OR1J2: variants seen among roughly 807,000 people sequenced by gnomAD.
The protein encoded by OR1J2 is olfactory receptor family 1 subfamily J member 2, also known as olfactory receptor 1J2.
For synonymous variants in OR1J2, 142 were observed against 99.7 expected (o/e 1.42, Z -2.52); for missense variants, 304 against 246.1 (o/e 1.24, Z -1.57).
At chr9:122,534,662 G>C in the OR1J2 span, among the ~76,000 whole-genome samples, 11 of 152,216 alleles carry the variant, frequency 7.2e-5, no homozygotes, top group East Asian at 2.1e-3. Flanking sequence ...TCGGCCTGGC[G>C]AGGAGGGGAG....
the OR1J2 span, chr9:122,475,173 T>C: frequency 6.6e-6 from 1 of 152,382 alleles, no homozygotes; most frequent in African/African-American, 2.4e-5. Context: ...AGGGCCTCGC[T>C]AGGAGATAGG....
At chr9:122,496,607 G>A in the OR1J2 span, among the ~76,000 whole-genome samples, 1 of 152,096 alleles carries the variant, frequency 6.6e-6, no homozygotes, top group Non-Finnish European at 1.5e-5. Context: ...TGCCCAAGGT[G>A]GTCAGAGCAC....
the OR1J2 span, among the ~76,000 whole-genome samples, chr9:122,522,266 G>A: frequency 9.2e-5 from 14 of 152,098 alleles, no homozygotes; most frequent in Non-Finnish European, 7.4e-5. Context: ...AATTATGGAC[G>A]TTTCAAGTGA....
chr9:122,483,016 T>C, the OR1J2 span, among the ~76,000 whole-genome samples: 1 of 152,206 alleles, frequency 6.6e-6, no homozygotes, highest in African/African-American at 2.4e-5. Flanking sequence ...TTTGAATGTT[T>C]TCTTCACTAA....
chr9:122,562,311 A>T, the OR1J2 span, among the ~76,000 whole-genome samples: 1 of 152,246 alleles, frequency 6.6e-6, no homozygotes. Flanking sequence ...GAGCTTAGAC[A>T]GCTTAGGCAG....
chr9:122,573,297 G>A, the OR1J2 span, among the ~76,000 whole-genome samples: 1 of 152,220 alleles, frequency 6.6e-6, no homozygotes, highest in Non-Finnish European at 1.5e-5. Flanking sequence ...TTTAGATGTT[G>A]GGGCTAAACT....
the OR1J2 span, among the ~76,000 whole-genome samples, chr9:122,555,413 A>G: frequency 6.6e-6 from 1 of 152,198 alleles, no homozygotes; most frequent in African/African-American, 2.4e-5. Flanking sequence ...TTAGCCTTGA[A>G]TTAGGTGACT....
chr9:122,459,193 T>C, the OR1J2 span, among the ~76,000 whole-genome samples: 2 of 152,246 alleles, frequency 1.3e-5, no homozygotes, highest in African/African-American at 2.4e-5. Flanking sequence ...CATTTGTCTG[T>C]TGATGGACAC....
chr9:122,553,863 G>C, the OR1J2 span: 1 of 1,613,918 alleles, frequency 6.2e-7, no homozygotes, highest in Non-Finnish European at 8.5e-7. Context: ...CCTGCTGATC[G>C]TCTTCTCCTA....
the OR1J2 span, among the ~76,000 whole-genome samples, chr9:122,559,144 C>T: frequency 1.3e-5 from 2 of 152,052 alleles, no homozygotes; most frequent in Admixed American, 1.3e-4. Flanking sequence ...AACACCAGAG[C>T]TTGTTAATCC....
upstream of OR1J2, among the ~76,000 whole-genome samples, chr9:122,509,806 A>G (rs1828598207): frequency 6.6e-6 from 1 of 152,194 alleles, no homozygotes; most frequent in Non-Finnish European, 1.5e-5. Context: ...TTAGACAGGG[A>G]AGTCATGTTG....
the OR1J2 span, among the ~76,000 whole-genome samples, chr9:122,462,290 C>T: frequency 2.0e-5 from 3 of 146,960 alleles, no homozygotes; most frequent in Non-Finnish European, 4.5e-5. Context: ...ATCCCTTGAC[C>T]TTAAGTGTAT....
chr9:122,535,662 G>A, the OR1J2 span, among the ~76,000 whole-genome samples: 3 of 152,100 alleles, frequency 2.0e-5, no homozygotes, highest in African/African-American at 7.2e-5. Context: ...GAGGTCGTAG[G>A]TGGATCTTTC....
At chr9:122,579,239 TTAA>T in the OR1J2 span, among the ~76,000 whole-genome samples, 169 of 152,002 alleles carry the variant, frequency 1.1e-3, no homozygotes, top group African/African-American at 3.1e-3. Context: ...AATAATAATC[TTAA>T]TAATTATAAA....
the OR1J2 span, among the ~76,000 whole-genome samples, chr9:122,493,310 G>C: frequency 1.3e-5 from 2 of 152,160 alleles, no homozygotes; most frequent in East Asian, 1.9e-4. Flanking sequence ...TGATAGAGTT[G>C]AGCTGTGAAT....
downstream of OR1J2, among the ~76,000 whole-genome samples, chr9:122,512,377 C>A (rs1478714323): frequency 6.6e-6 from 1 of 152,206 alleles, no homozygotes. Flanking sequence ...TTCCTTTGAT[C>A]TACCACTACA....
At chr9:122,494,641 T>A in the OR1J2 span, among the ~76,000 whole-genome samples, 55,956 of 151,944 alleles carry the variant, frequency 0.37, 10,851 homozygotes, top group East Asian at 0.45. Flanking sequence ...CACTCTGCCG[T>A]TCTCTATCTT....
At chr9:122,459,228 A>G in the OR1J2 span, among the ~76,000 whole-genome samples, 1 of 152,206 alleles carries the variant, frequency 6.6e-6, no homozygotes, top group Non-Finnish European at 1.5e-5. Context: ...TATTTTGGCT[A>G]CTGTGAGTGG....
rs1161400141 is a variant in OR1J2, at chr9:122,511,557, T to A, written c.756T>A (p.Tyr252Ter). 1.3e-6 allele frequency: 1 copy of A among 781,082 alleles called. No individual in the cohort carries two copies. Among genetic ancestry groups the A allele is most frequent in the East Asian group, 2.4e-5 (1 of 41,248 alleles). 48.4% of individuals were successfully genotyped at this position (781,082 alleles called of 1,614,324 possible). The change falls in exon 1 of 1, where the codon TAT becomes TAA. Residue 252 changes from tyrosine (Y) to a stop codon, truncating the protein, a stop_gained. Coordinates refer to ENST00000335302, the MANE Select transcript of OR1J2 (RefSeq NM_054107.1). LOFTEE classifies it low-confidence loss of function (END_TRUNC). Reference protein sequence around the residue: ...GSHLSVVSLYYGSIFGQYLFP... With the variant: ...GSHLSVVSLY ...ATCTCTCTGTGGTGTCTCTCTATTA[T>A]GGGTCAATATTTGGCCAGTACCTTT...
Sources: allele counts gnomAD v4.1 joint callset (sites outside exome capture counted in the v4.1 genomes callset), GRCh38; gene constraint gnomAD v4.1.1; transcripts MANE v1.5; gene names NCBI Gene and HGNC (gene_info 2026-07-23, HGNC 2026-07-21).